MXRA7: variants seen among roughly 807,000 people sequenced by gnomAD.
The protein encoded by MXRA7 is matrix remodeling associated 7.
In MXRA7, 18 loss-of-function variants were observed where a neutral mutation model predicts 17.4. The observed-to-expected ratio is 1.03, with a 90% CI of 0.71 to 1.53. MXRA7 has a LOEUF of 1.53. Ranked by LOEUF, MXRA7 falls within the 40% of genes most tolerant of loss-of-function variation. The probability of loss-of-function intolerance (pLI) is 0.00; values close to 1 mark genes in which losing one functional copy is unlikely to be tolerated. For synonymous variants in MXRA7, 70 were observed against 101.7 expected (o/e 0.69, Z 1.87); for missense variants, 141 against 209.3 (o/e 0.67, Z 2.01).
chr17:76,693,489 A>AG (rs890714249), intron 1 of MXRA7, among the ~76,000 whole-genome samples: 7 of 151,020 alleles, frequency 4.6e-5, no homozygotes, highest in African/African-American at 1.5e-4. Context: ...AAAAAAAAAA[A>AG]AAAAGAAAAA....
chr17:76,685,601 C>T (rs77970732), intron 2 of MXRA7, among the ~76,000 whole-genome samples: 1,682 of 152,336 alleles, frequency 0.011, 32 homozygotes, highest in African/African-American at 0.038. Context: ...TCTGAAAACA[C>T]GCATCCAGGC....
chr17:76,678,642 T>C (rs1347866536), downstream of MXRA7, among the ~76,000 whole-genome samples: 2 of 152,202 alleles, frequency 1.3e-5, no homozygotes, highest in African/African-American at 4.8e-5. Context: ...CACATCACAG[T>C]GTCGGACCTC....
downstream of MXRA7, chr17:76,675,824 C>G (rs573422496): frequency 1.3e-5 from 2 of 152,132 alleles, no homozygotes; most frequent in East Asian, 1.9e-4. Context: ...GAGGGGCTCC[C>G]GAAAAACCCC....
At chr17:76,687,624 C>T (rs891938716) in intron 2 of MXRA7, among the ~76,000 whole-genome samples, 20 of 152,258 alleles carry the variant, frequency 1.3e-4, no homozygotes, top group African/African-American at 4.3e-4. Context: ...TCGGTCACTC[C>T]CTTTCTCCTC....
chr17:76,677,096 G>A (rs753552393), downstream of MXRA7: 36 of 153,508 alleles, frequency 2.3e-4, no homozygotes, highest in Non-Finnish European at 4.8e-4. Context: ...AGTTCGAGAC[G>A]AGCCTGGCCA....
At chr17:76,688,077 G>A (rs117149310) in intron 2 of MXRA7, 36 bp downstream of exon 2, 18,088 of 1,608,464 alleles carry the variant, frequency 0.011, 107 homozygotes, top group Middle Eastern at 0.018. Context: ...CCCCGACACT[G>A]TCAGGCCCCC....
At chr17:76,702,133 AG>A in intron 1 of MXRA7, among the ~76,000 whole-genome samples, 1 of 152,238 alleles carries the variant, frequency 6.6e-6, no homozygotes, top group Non-Finnish European at 1.5e-5. Flanking sequence ...CTGATGGAAG[AG>A]GGTTGAAGAA....
At chr17:76,693,475 C>A (rs1055935356) in intron 1 of MXRA7, among the ~76,000 whole-genome samples, 805 of 98,168 alleles carry the variant, frequency 8.2e-3, no homozygotes, top group African/African-American at 0.017. Flanking sequence ...AGATCTGTCT[C>A]AAAAAAAAAA....
chr17:76,690,274 G>C (rs1204311424), intron 1 of MXRA7: 2 of 152,136 alleles, frequency 1.3e-5, no homozygotes, highest in Non-Finnish European at 2.9e-5. Flanking sequence ...CCGTCTTATA[G>C]AGTTCAGTAT....
At chr17:76,697,408 T>G (rs1034759700) in intron 1 of MXRA7, among the ~76,000 whole-genome samples, 2 of 152,152 alleles carry the variant, frequency 1.3e-5, no homozygotes, top group Non-Finnish European at 2.9e-5. Context: ...GTCTGTGGTG[T>G]TTTGTTATAG....
rs541853734 is a variant in MXRA7 at position 76,681,312 on chromosome 17, C to T, written c.501-433G>A. 1.2e-4 allele frequency among the ~76,000 whole-genome samples: 18 copies of T among 152,290 alleles called. No homozygotes were observed. The highest frequency in any genetic ancestry group is 3.4e-4 in the African/African-American group (14 of 41,564). On this transcript the variant is annotated intron_variant, in intron 3 of 3. Transcript: ENST00000449428. The surrounding 1 kb of genome is among the most constrained non-coding windows in gnomAD (Gnocchi z 4.7). Reference sequence around the variant, plus strand: ...TACTGGCACCCTAGGATGCACGCTTCCAGATGGAGCCAACTGCATGCCCGT... The same window carrying T: ...TACTGGCACCCTAGGATGCACGCTTTCAGATGGAGCCAACTGCATGCCCGT...
At chr17:76,707,120 A>G (rs1161246857) in intron 1 of MXRA7, among the ~76,000 whole-genome samples, 3 of 152,156 alleles carry the variant, frequency 2.0e-5, no homozygotes, top group Non-Finnish European at 4.4e-5. Flanking sequence ...AAATGTCTCA[A>G]TTATCTCCAG....
intron 1 of MXRA7, among the ~76,000 whole-genome samples, chr17:76,704,429 T>C (rs978445876): frequency 8.0e-5 from 12 of 150,142 alleles, no homozygotes; most frequent in Non-Finnish European, 1.3e-4. Context: ...ATGGTCTCGA[T>C]CTCCTGACCT....
At chr17:76,707,089 T>A (rs35208348) in intron 1 of MXRA7, among the ~76,000 whole-genome samples, 43,621 of 152,122 alleles carry the variant, frequency 0.29, 7,523 homozygotes, top group Non-Finnish European at 0.38. Flanking sequence ...TAAGCTTACC[T>A]AACACAGCCA....
At chr17:76,690,130 G>A (rs2076463281) in intron 1 of MXRA7, 1 of 152,148 alleles carries the variant, frequency 6.6e-6, no homozygotes, top group South Asian at 2.1e-4. Flanking sequence ...TCATCTTGCT[G>A]TAAATGGCAA....
intron 1 of MXRA7, among the ~76,000 whole-genome samples, chr17:76,696,886 C>T (rs1451670018): frequency 6.6e-6 from 1 of 152,144 alleles, no homozygotes; most frequent in Non-Finnish European, 1.5e-5. Flanking sequence ...CGGCACGAAC[C>T]CAACAGAGTA....
At chr17:76,695,847 C>T (rs151291538) in intron 1 of MXRA7, among the ~76,000 whole-genome samples, 4 of 152,030 alleles carry the variant, frequency 2.6e-5, no homozygotes, top group African/African-American at 9.7e-5. Context: ...AATCCCAGCA[C>T]TTTGGGAGGT....
At chr17:76,709,064 G>A (rs1026135423) in intron 1 of MXRA7, among the ~76,000 whole-genome samples, 5 of 152,112 alleles carry the variant, frequency 3.3e-5, no homozygotes, top group Admixed American at 2.0e-4. Flanking sequence ...GCTGAGAGCC[G>A]AAAGCCTTGT....
At chr17:76,706,210 C>CCATCACAAAGGCCCACGCTGA (rs2076654832) in intron 1 of MXRA7, among the ~76,000 whole-genome samples, 2 of 149,370 alleles carry the variant, frequency 1.3e-5, no homozygotes, top group African/African-American at 4.9e-5. Context: ...GCCCACGCTG[C>CCATCACAAAGGCCCACGCTGA]CATCACAAAG....
Sources: gnomAD v4.1 joint callset for allele counts (sites outside exome capture counted in the v4.1 genomes callset) on GRCh38, gnomAD v4.1.1 for gene constraint, Gnocchi (gnomAD v3.1) non-coding constraint, MANE v1.5 for transcripts, NCBI Gene and HGNC (gene_info 2026-07-23, HGNC 2026-07-21) for gene names.